ERI3: variants seen among roughly 807,000 people sequenced by gnomAD.
ERI3 encodes ERI1 exoribonuclease family member 3, also known as ERI1 exoribonuclease 3.
A neutral mutation model predicts 44.4 loss-of-function variants in ERI3; 18 were observed. The ratio of observed to expected loss-of-function variants is 0.41; its 90% CI spans 0.28 to 0.60. The LOEUF is 0.60. Ranked by LOEUF, ERI3 falls within the 20% of genes least tolerant of loss-of-function variation. The pLI is 0.36. For synonymous variants in ERI3, 183 were observed against 164.8 expected, an observed-to-expected ratio of 1.11 and a Z score of -0.84; for missense variants, 294 against 435.5, an observed-to-expected ratio of 0.68 and a Z score of 2.89.
chr1:44,240,238 A>ACT (rs1205488148), intron 8 of ERI3, among the ~76,000 whole-genome samples: 1 of 152,114 alleles, frequency 6.6e-6, no homozygotes, highest in Admixed American at 6.5e-5. Context: ...CTACAGCCCA[A>ACT]CTGTCTCAGA....
chr1:44,298,797 A>G (rs1222279186), intron 6 of ERI3, among the ~76,000 whole-genome samples: 1 of 152,206 alleles, frequency 6.6e-6, no homozygotes, highest in African/African-American at 2.4e-5. Context: ...ATGTACCTAT[A>G]GTCCCAGCTA....
intron 6 of ERI3, among the ~76,000 whole-genome samples, chr1:44,298,094 G>T (rs1187586190): frequency 2.6e-5 from 4 of 152,266 alleles, no homozygotes; most frequent in African/African-American, 9.6e-5. Context: ...GCAGACAGCT[G>T]CAAGCACTGG....
rs1022181290 is a variant in ERI3 at position 44,353,231 on chromosome 1, G to A, written c.136-306C>T. ...GTTTCAGAATCCTAGTCTAGTCAAG[G>A]AGGAAGACACTGGTAAGGCTGACAA... On this transcript the variant is annotated intron_variant, in intron 1 of 8. Transcript: ENST00000372257. 5.1e-6 allele frequency: 5 copies of A among 985,128 alleles called. No individual in the cohort carries two copies. The African/African-American group carries it at 7.0e-5, about 14-fold the overall frequency. The allele number at this position is 985,128 out of a possible 1,614,324, so 61.0% of individuals were successfully genotyped here. A position where few individuals can be genotyped will look rare whatever the true frequency, so the allele number is the denominator to read the frequency against.
chr1:44,248,838 C>T (rs984492513), intron 7 of ERI3, among the ~76,000 whole-genome samples: 2 of 151,970 alleles, frequency 1.3e-5, no homozygotes, highest in Admixed American at 1.3e-4. Flanking sequence ...GAAGGAAGTG[C>T]TGGGGGCATC....
chr1:44,244,373 T>A (rs1465638606), intron 8 of ERI3: 1 of 152,986 alleles, frequency 6.5e-6, no homozygotes, highest in Non-Finnish European at 1.5e-5. Flanking sequence ...TGTCCAGTGC[T>A]GCATCACCTC....
rs141703316 is a variant in ERI3, at chr1:44,325,850, C to T, written c.490-6106G>A. Among the ~76,000 whole-genome samples the T allele has an allele frequency of 2.4e-3, 372 of 152,150 alleles. 3 individuals are homozygous for T. Among genetic ancestry groups the T allele is most frequent in the African/African-American group, 8.5e-3 (354 of 41,520 alleles). ...TTTTACTAAAGACAGGGTTTTGCCA[C>T]GTTGGCCAGGTGGGTCTCAAACTCC... On this transcript the variant is annotated intron_variant, in intron 3 of 8. Coordinates refer to ENST00000372257, the MANE Select transcript of ERI3 (RefSeq NM_024066.3).
intron 7 of ERI3, among the ~76,000 whole-genome samples, chr1:44,281,601 A>AAAAATATATAT (rs1460400186): frequency 7.0e-5 from 9 of 128,056 alleles, no homozygotes; most frequent in African/African-American, 2.7e-4. Context: ...AAAAAAAAAA[A>AAAAATATATAT]ATATATATAT....
At chr1:44,276,992 T>C (rs1214394050) in intron 7 of ERI3, among the ~76,000 whole-genome samples, 1 of 152,156 alleles carries the variant, frequency 6.6e-6, no homozygotes, top group Non-Finnish European at 1.5e-5. Flanking sequence ...TGCATAGAAA[T>C]CCTACTATAC....
chr1:44,286,268 T>C (rs1645391894), intron 6 of ERI3, among the ~76,000 whole-genome samples: 1 of 152,214 alleles, frequency 6.6e-6, no homozygotes. Context: ...GCCCCATCTT[T>C]AGTACGCCAC....
chr1:44,231,270 G>A (rs917444816), intron 8 of ERI3, among the ~76,000 whole-genome samples: 1 of 152,096 alleles, frequency 6.6e-6, no homozygotes, highest in Non-Finnish European at 1.5e-5. Flanking sequence ...GATTATGGAT[G>A]CCTAACCTGT....
At position 44,235,669 on chromosome 1, in the gene ERI3, C is replaced by A. The variant is rs1644288258; in HGVS notation, c.931+12270G>T. Among the ~76,000 whole-genome samples the A allele has an allele frequency of 6.6e-6, 1 of 152,232 alleles. No individual in the cohort carries two copies. Among genetic ancestry groups the A allele is most frequent in the Non-Finnish European group, 1.5e-5 (1 of 68,038 alleles). On this transcript the variant is annotated intron_variant, in intron 8 of 8. Transcript: ENST00000372257. The surrounding 1 kb of genome is among the most constrained non-coding windows in gnomAD (Gnocchi z 4.6). ...TGAAACCCTGTCATGGTCTTTGTCTCCAGCTTCCAAAGCCCTGAAGGTTTC... is the reference window on the plus strand; with the variant it reads ...TGAAACCCTGTCATGGTCTTTGTCTACAGCTTCCAAAGCCCTGAAGGTTTC...
At chr1:44,268,194 C>T (rs1470557007) in intron 7 of ERI3, among the ~76,000 whole-genome samples, 1 of 152,190 alleles carries the variant, frequency 6.6e-6, no homozygotes, top group East Asian at 1.9e-4. Flanking sequence ...CATCCATCTT[C>T]CCTACCAGAC....
At chr1:44,308,163 C>T (rs1645879273) in intron 6 of ERI3, 147 bp downstream of exon 6, 4 of 671,598 alleles carry the variant, frequency 6.0e-6, no homozygotes, top group Non-Finnish European at 1.1e-5. Context: ...GAAGGCAGGG[C>T]TCCCAACCGT....
chr1:44,250,605 C>T (rs1332730119), intron 7 of ERI3, among the ~76,000 whole-genome samples: 1 of 152,122 alleles, frequency 6.6e-6, no homozygotes, highest in Non-Finnish European at 1.5e-5. Flanking sequence ...CTTGTCAGAG[C>T]GAGGGCGAGA....
chr1:44,333,685 CTTA>C (rs1237651235), intron 3 of ERI3, among the ~76,000 whole-genome samples: 1 of 152,224 alleles, frequency 6.6e-6, no homozygotes, highest in African/African-American at 2.4e-5. Context: ...TTGTAGGGAT[CTTA>C]ACCAATTTCC....
At chr1:44,307,989 T>A (rs1308594959) in intron 6 of ERI3, among the ~76,000 whole-genome samples, 5 of 151,918 alleles carry the variant, frequency 3.3e-5, no homozygotes. Context: ...TGGCTTAAAA[T>A]TTTTTTTTCC....
intron 1 of ERI3, chr1:44,353,263 G>A (rs1298725863): frequency 2.0e-6 from 2 of 985,150 alleles, no homozygotes; most frequent in African/African-American, 3.5e-5. Context: ...ACAATATTCA[G>A]AACTAAGGAA....
At chr1:44,302,946 A>C (rs1645757587) in intron 6 of ERI3, among the ~76,000 whole-genome samples, 1 of 152,242 alleles carries the variant, frequency 6.6e-6, no homozygotes, top group Admixed American at 6.5e-5. Flanking sequence ...TTGTTAAAAA[A>C]GGATTATAAA....
At chr1:44,318,721 A>G (rs772588896) in intron 4 of ERI3, among the ~76,000 whole-genome samples, 7 of 152,224 alleles carry the variant, frequency 4.6e-5, no homozygotes, top group South Asian at 2.1e-4. Flanking sequence ...ATAACTCAAG[A>G]ACCCTTTTTC....
Sources: gnomAD v4.1 joint callset for allele counts (sites outside exome capture counted in the v4.1 genomes callset) on GRCh38, gnomAD v4.1.1 for gene constraint, Gnocchi (gnomAD v3.1) non-coding constraint, MANE v1.5 for transcripts, NCBI Gene and HGNC (gene_info 2026-07-23, HGNC 2026-07-21) for gene names.